The following ZMAT4 variants were observed in gnomAD, a reference collection of about 807,000 sequenced individuals.
ZMAT4 encodes the protein zinc finger matrin-type 4.
Under a neutral mutation model 28.7 loss-of-function variants are expected in ZMAT4, and 17 were observed. The ratio of observed to expected loss-of-function variants is 0.59; its 90% CI spans 0.41 to 0.89. The LOEUF (loss-of-function observed/expected upper bound fraction) is 0.89. Ranked by LOEUF, ZMAT4 falls within the 40% of genes least tolerant of loss-of-function variation. The probability of loss-of-function intolerance (pLI) is 0.00; values close to 1 mark genes in which losing one functional copy is unlikely to be tolerated. For synonymous variants in ZMAT4, 117 were observed against 109.2 expected (o/e 1.07, Z -0.44); for missense variants, 240 against 283.8 (o/e 0.85, Z 1.11).
intron 4 of ZMAT4, among the ~76,000 whole-genome samples, chr8:40,690,014 A>G (rs1398305431): frequency 6.6e-6 from 1 of 152,126 alleles, no homozygotes; most frequent in African/African-American, 2.4e-5. Flanking sequence ...TTATCCAATC[A>G]CTGATCTCTT....
At chr8:40,700,705 TG>T (rs2150498130) in intron 3 of ZMAT4, among the ~76,000 whole-genome samples, 1 of 152,036 alleles carries the variant, frequency 6.6e-6, no homozygotes, top group South Asian at 2.1e-4. Context: ...ATTGTAGGAG[TG>T]AGCCACTGTA....
chr8:40,605,071 T>C (rs1233009205), intron 5 of ZMAT4, among the ~76,000 whole-genome samples: 2 of 152,216 alleles, frequency 1.3e-5, no homozygotes, highest in African/African-American at 4.8e-5. Context: ...AACTTCTCTC[T>C]TATTTTCTTG....
chr8:40,608,289 G>A (rs1226309089), intron 5 of ZMAT4, among the ~76,000 whole-genome samples: 3 of 152,256 alleles, frequency 2.0e-5, no homozygotes, highest in Admixed American at 6.5e-5. Context: ...TCAAGCCCAT[G>A]GGAGTTATGT....
At chr8:40,663,059 C>T (rs185772917) in intron 5 of ZMAT4, among the ~76,000 whole-genome samples, 45 of 152,292 alleles carry the variant, frequency 3.0e-4, no homozygotes, top group Admixed American at 1.6e-3. Context: ...ACATCAGTGG[C>T]CACCAAATAC....
At chr8:40,615,040 G>T (rs929781372) in intron 5 of ZMAT4, among the ~76,000 whole-genome samples, 3 of 152,096 alleles carry the variant, frequency 2.0e-5, no homozygotes, top group Admixed American at 6.5e-5. Context: ...TTACATTTTG[G>T]CATGTTTTTG....
chr8:40,716,624 G>A (rs1322918832), intron 3 of ZMAT4, among the ~76,000 whole-genome samples: 1 of 152,184 alleles, frequency 6.6e-6, no homozygotes, highest in Non-Finnish European at 1.5e-5. Context: ...CCTGGGAGGT[G>A]GAGGTTGTGG....
At chr8:40,881,498 A>AGAAAGAAG (rs1491324428) in intron 1 of ZMAT4, among the ~76,000 whole-genome samples, 12 of 138,132 alleles carry the variant, frequency 8.7e-5, no homozygotes, top group African/African-American at 3.0e-4. Context: ...AAAGAAAGAA[A>AGAAAGAAG]GAGGAAGGAA....
At chr8:40,759,355 A>T (rs1183021860) in intron 3 of ZMAT4, among the ~76,000 whole-genome samples, 1 of 151,812 alleles carries the variant, frequency 6.6e-6, no homozygotes, top group African/African-American at 2.4e-5. Flanking sequence ...TTGAAGACCT[A>T]ATCCCCAGTG....
At chr8:40,752,799 A>C (rs1328068524) in intron 3 of ZMAT4, among the ~76,000 whole-genome samples, 2 of 151,784 alleles carry the variant, frequency 1.3e-5, no homozygotes, top group African/African-American at 4.8e-5. Flanking sequence ...AGCTCTTCTT[A>C]CCTGAGTCCA....
chr8:40,746,349 TCCTTC>T, intron 3 of ZMAT4, among the ~76,000 whole-genome samples: 1 of 142,028 alleles, frequency 7.0e-6, no homozygotes, highest in East Asian at 2.0e-4. Context: ...TCCTTTCCTT[TCCTTC>T]CCTTTCTTTC....
intron 4 of ZMAT4, among the ~76,000 whole-genome samples, chr8:40,685,799 T>C (rs1204803451): frequency 1.3e-5 from 2 of 152,080 alleles, no homozygotes; most frequent in African/African-American, 4.8e-5. Context: ...GAGTGACTCA[T>C]ATGCAAATTA....
chr8:40,691,909 C>T (rs543447802), intron 4 of ZMAT4, among the ~76,000 whole-genome samples: 1 of 152,104 alleles, frequency 6.6e-6, no homozygotes, highest in African/African-American at 2.4e-5. Flanking sequence ...GGTATATCAC[C>T]TATTTTACAA....
intron 2 of ZMAT4, among the ~76,000 whole-genome samples, chr8:40,817,954 G>C (rs1233411515): frequency 6.6e-6 from 1 of 152,196 alleles, no homozygotes; most frequent in Non-Finnish European, 1.5e-5. Flanking sequence ...ATGTGACTGA[G>C]TGCTAGCCAA....
intron 1 of ZMAT4, among the ~76,000 whole-genome samples, chr8:40,855,437 A>C (rs1817261628): frequency 6.6e-6 from 1 of 152,054 alleles, no homozygotes. Flanking sequence ...AGAGATAAAA[A>C]CTGTCTCTCT....
chr8:40,764,517 G>C, intron 3 of ZMAT4, among the ~76,000 whole-genome samples: 1 of 151,786 alleles, frequency 6.6e-6, no homozygotes, highest in Non-Finnish European at 1.5e-5. Context: ...ACATGGTCAG[G>C]GTGTGGGAAA....
chr8:40,825,779 G>A, intron 1 of ZMAT4, 99 bp from the exon 2 acceptor site: 1 of 867,304 alleles, frequency 1.2e-6, no homozygotes, highest in East Asian at 2.7e-5. Context: ...TAACAGGTCT[G>A]ACAATGGTGA....
rs552821944 is a variant in ZMAT4, at chr8:40,667,761, A to G, written c.577+6943T>C. On this transcript the variant is annotated intron_variant, in intron 5 of 6. Transcript: ENST00000297737. ...GAACAAGTTGAATGATTTGATATAT[A>G]TTATGGATGGAGATCTTCAGATTGG... Among the ~76,000 whole-genome samples, 7 of 151,402 alleles carry G rather than the reference A, an allele frequency of 4.6e-5. No homozygotes were observed. The East Asian group carries it at 1.4e-3, about 30-fold the overall frequency.
chr8:40,782,206 T>G, intron 2 of ZMAT4, among the ~76,000 whole-genome samples: 1 of 152,006 alleles, frequency 6.6e-6, no homozygotes, highest in East Asian at 1.9e-4. Flanking sequence ...GCCAATATGG[T>G]GAAACCCCGC....
At chr8:40,841,818 C>A (rs1435823291) in intron 1 of ZMAT4, among the ~76,000 whole-genome samples, 1 of 152,200 alleles carries the variant, frequency 6.6e-6, no homozygotes, top group Non-Finnish European at 1.5e-5. Flanking sequence ...CAGTAGAACT[C>A]CCTGTTTCTA....
Sources: allele counts gnomAD v4.1 joint callset (sites outside exome capture counted in the v4.1 genomes callset), GRCh38; gene constraint gnomAD v4.1.1; transcripts MANE v1.5; gene names NCBI Gene and HGNC (gene_info 2026-07-23, HGNC 2026-07-21).